The following KCNMA1 variants were observed in gnomAD, a reference collection of about 807,000 sequenced individuals.
The protein encoded by KCNMA1 is Calcium-activated potassium channel subunit alpha-1.
Under a neutral mutation model 140.0 loss-of-function variants are expected in KCNMA1, and 29 were observed. The observed-to-expected ratio is 0.21, with a 90% CI of 0.15 to 0.28. The LOEUF (loss-of-function observed/expected upper bound fraction) is 0.28, where lower values mean the gene tolerates loss of function less well. Ranked by LOEUF, KCNMA1 falls within the 10% of genes least tolerant of loss-of-function variation. The pLI is 1.00. For missense variants in KCNMA1, 880 were observed against 1,602.2 expected (o/e 0.55, Z 7.70); for synonymous variants, 612 against 611.9 (o/e 1.00, Z 0.00).
At chr10:77,464,032 G>A (rs1019339098) in intron 1 of KCNMA1, among the ~76,000 whole-genome samples, 3 of 152,096 alleles carry the variant, frequency 2.0e-5, no homozygotes, top group Non-Finnish European at 4.4e-5. Flanking sequence ...TAGACCTCCC[G>A]AATATACATT....
intron 1 of KCNMA1, among the ~76,000 whole-genome samples, chr10:77,519,892 G>C (rs1388893335): frequency 2.0e-5 from 3 of 151,914 alleles, no homozygotes; most frequent in East Asian, 3.9e-4. Flanking sequence ...TCTGCAGTAT[G>C]CAGTGCAGTG....
At chr10:76,970,251 G>A in intron 19 of KCNMA1, 184 bp from the exon 20 acceptor site, 1 of 641,066 alleles carries the variant, frequency 1.6e-6, no homozygotes, top group Non-Finnish European at 2.9e-6. Context: ...AGAAGGTGAA[G>A]GCAACACCTC....
At chr10:77,525,089 T>C (rs1361699417) in intron 1 of KCNMA1, among the ~76,000 whole-genome samples, 1 of 152,198 alleles carries the variant, frequency 6.6e-6, no homozygotes, top group Non-Finnish European at 1.5e-5. Flanking sequence ...ATCTGGACGA[T>C]ATCTACCATG....
At chr10:77,442,219 C>T (rs920529034) in intron 1 of KCNMA1, among the ~76,000 whole-genome samples, 1 of 152,202 alleles carries the variant, frequency 6.6e-6, no homozygotes, top group Non-Finnish European at 1.5e-5. Context: ...TCACCCCCAC[C>T]CCATTCCCAG....
chr10:77,560,373 T>A, intron 1 of KCNMA1, among the ~76,000 whole-genome samples: 1 of 152,228 alleles, frequency 6.6e-6, no homozygotes, highest in East Asian at 1.9e-4. Flanking sequence ...AGTATTGGGT[T>A]GAGAAAGAAA....
chr10:77,302,735 G>T (rs973472789), intron 2 of KCNMA1, among the ~76,000 whole-genome samples: 1 of 152,104 alleles, frequency 6.6e-6, no homozygotes, highest in Non-Finnish European at 1.5e-5. Context: ...GCTCAGAAAG[G>T]GGATGGATAC....
chr10:77,177,430 C>T (rs1447217205), intron 5 of KCNMA1, among the ~76,000 whole-genome samples: 5 of 150,502 alleles, frequency 3.3e-5, no homozygotes, highest in African/African-American at 1.2e-4. Flanking sequence ...TTCCTTCCTT[C>T]CTTCTTTCCT....
intron 5 of KCNMA1, among the ~76,000 whole-genome samples, chr10:77,132,513 G>A (rs2097885469): frequency 6.8e-6 from 1 of 147,896 alleles, no homozygotes; most frequent in Admixed American, 7.1e-5. Context: ...TAAGTGTCCA[G>A]CAGGTTAAAT....
intron 24 of KCNMA1, 168 bp downstream of exon 24, chr10:76,914,768 C>A (rs1453577331): frequency 4.9e-6 from 3 of 606,482 alleles, no homozygotes; most frequent in Non-Finnish European, 9.0e-6. Context: ...GTTTTCCCTT[C>A]CGGTAATCTG....
chr10:76,991,347 G>A (rs1388461026), intron 19 of KCNMA1, among the ~76,000 whole-genome samples: 1 of 152,142 alleles, frequency 6.6e-6, no homozygotes, highest in Admixed American at 6.5e-5. Context: ...GGTTTTTTCT[G>A]GTACTTTGTT....
chr10:77,468,009 T>G (rs1484952661), intron 1 of KCNMA1, among the ~76,000 whole-genome samples: 1 of 152,208 alleles, frequency 6.6e-6, no homozygotes, highest in African/African-American at 2.4e-5. Flanking sequence ...TTATTTTTAT[T>G]TATTTTTAAA....
intron 3 of KCNMA1, among the ~76,000 whole-genome samples, chr10:77,230,761 T>C (rs1301785803): frequency 6.6e-6 from 1 of 152,206 alleles, no homozygotes. Context: ...AAAGCTCATA[T>C]TCCTGGGAAG....
At chr10:77,482,403 T>C (rs2098408834) in intron 1 of KCNMA1, among the ~76,000 whole-genome samples, 1 of 152,110 alleles carries the variant, frequency 6.6e-6, no homozygotes, top group African/African-American at 2.4e-5. Flanking sequence ...GCTTAGGGCA[T>C]CACAAAATCA....
chr10:77,503,344 C>A (rs970678383), intron 1 of KCNMA1, among the ~76,000 whole-genome samples: 4 of 151,908 alleles, frequency 2.6e-5, no homozygotes, highest in Non-Finnish European at 5.9e-5. Flanking sequence ...TAGTTGAATC[C>A]TTTAAAAAGA....
At chr10:77,027,161 G>A (rs17480264) in intron 16 of KCNMA1, among the ~76,000 whole-genome samples, 5,467 of 152,250 alleles carry the variant, frequency 0.036, 146 homozygotes, top group South Asian at 0.1. Flanking sequence ...TTAGCACGAT[G>A]CTTCCCACCT....
At position 77,472,235 on chromosome 10, in the gene KCNMA1, T is replaced by G. The variant is rs536320590; in HGVS notation, c.379-68212A>C. On this transcript the variant is annotated intron_variant, in intron 1 of 27. Coordinates refer to ENST00000286628, the MANE Select transcript of KCNMA1 (RefSeq NM_001161352.2). ...ACACTACACACACACTATACATACATCACATAGACACAGACACATACACAT... is the reference window on the plus strand; with the variant it reads ...ACACTACACACACACTATACATACAGCACATAGACACAGACACATACACAT... Among the ~76,000 whole-genome samples, 949 of 148,540 alleles carry G rather than the reference T, an allele frequency of 6.4e-3. 2 individuals are homozygous for G. Among genetic ancestry groups the G allele is most frequent in the South Asian group, 0.011 (53 of 4,668 alleles).
At chr10:77,503,799 G>T (rs531361948) in intron 1 of KCNMA1, among the ~76,000 whole-genome samples, 4 of 152,346 alleles carry the variant, frequency 2.6e-5, no homozygotes, top group African/African-American at 7.2e-5. Flanking sequence ...CTCTGTTTGA[G>T]CTGCCACAAG....
chr10:76,883,366 A>G (rs2035422115), downstream of KCNMA1, among the ~76,000 whole-genome samples: 1 of 152,230 alleles, frequency 6.6e-6, no homozygotes, highest in South Asian at 2.1e-4. Context: ...CATAATCTTT[A>G]ATATTCAGAA....
At chr10:77,489,516 T>C (rs1007422219) in intron 1 of KCNMA1, among the ~76,000 whole-genome samples, 1 of 152,062 alleles carries the variant, frequency 6.6e-6, no homozygotes, top group Non-Finnish European at 1.5e-5. Context: ...TGTTTGTATT[T>C]TTAGTAGAGA....
Sources: allele counts gnomAD v4.1 joint callset (sites outside exome capture counted in the v4.1 genomes callset), GRCh38; gene constraint gnomAD v4.1.1; transcripts MANE v1.5; gene names NCBI Gene and HGNC (gene_info 2026-07-23, HGNC 2026-07-21).